The following AIG1 variants were observed in gnomAD, a reference collection of about 807,000 sequenced individuals.
AIG1 encodes the protein androgen induced 1.
A neutral mutation model predicts 31.4 loss-of-function variants in AIG1; 23 were observed. The ratio of observed to expected loss-of-function variants is 0.73; its 90% CI spans 0.53 to 1.04. AIG1 has a LOEUF of 1.04. Among genes scored for constraint, AIG1 ranks in the 50% least tolerant of loss-of-function variants. The pLI is 0.00. For missense variants in AIG1, 274 were observed against 295.0 expected, an observed-to-expected ratio of 0.93 and a Z score of 0.52; for synonymous variants, 100 against 110.5, an observed-to-expected ratio of 0.90 and a Z score of 0.60.
At chr6:143,171,452 TTTAATATATATA>T (rs1291399588) in intron 3 of AIG1, among the ~76,000 whole-genome samples, 650 of 60,012 alleles carry the variant, frequency 0.011, 12 homozygotes, top group African/African-American at 0.059. Flanking sequence ...AATATATATA[TTTAATATATATA>T]TTTAATATAT....
At chr6:143,307,458 G>T (rs1209875647) in intron 4 of AIG1, among the ~76,000 whole-genome samples, 2 of 152,196 alleles carry the variant, frequency 1.3e-5, no homozygotes, top group African/African-American at 4.8e-5. Context: ...GTTTGCTAGA[G>T]GTCCACTCCA....
At chr6:143,079,779 CTTTT>C (rs78637706) in intron 1 of AIG1, among the ~76,000 whole-genome samples, 2,417 of 107,028 alleles carry the variant, frequency 0.023, 40 homozygotes, top group African/African-American at 0.074. Context: ...GGATAGATTC[CTTTT>C]TTTTTTTTTT....
rs56266606 is a variant in AIG1, at chr6:143,317,076, A to G, written c.516-16206A>G. ...TGGATTCACAGCTGAATTCTATCAGACATTCAAAGAAGAATTGGTACCATT... is the reference window on the plus strand; with the variant it reads ...TGGATTCACAGCTGAATTCTATCAGGCATTCAAAGAAGAATTGGTACCATT... On this transcript the variant is annotated intron_variant, in intron 4 of 5. Transcript: ENST00000357847. 4.6e-3 allele frequency among the ~76,000 whole-genome samples: 706 copies of G among 152,272 alleles called. 3 individuals are homozygous for G. Among genetic ancestry groups the G allele is most frequent in the African/African-American group, 0.016 (656 of 41,568 alleles).
At chr6:143,282,518 C>T (rs1411990460) in intron 3 of AIG1, among the ~76,000 whole-genome samples, 2 of 152,106 alleles carry the variant, frequency 1.3e-5, no homozygotes, top group Non-Finnish European at 2.9e-5. Flanking sequence ...TGTACTAGCA[C>T]ACATGTACAT....
chr6:143,321,827 C>T (rs1776242579), intron 4 of AIG1, among the ~76,000 whole-genome samples: 1 of 152,134 alleles, frequency 6.6e-6, no homozygotes, highest in Non-Finnish European at 1.5e-5. Context: ...CACCACCCTT[C>T]CCTTGCTTAG....
rs972750967 is a variant in AIG1 at position 143,297,792 on chromosome 6, C to T, written c.515+13567C>T. ...AAATGCAAATTTTATCCTGTCAATCCTCCTACTTAAAAGTCTTCAATAGTT... is the reference window on the plus strand; with the variant it reads ...AAATGCAAATTTTATCCTGTCAATCTTCCTACTTAAAAGTCTTCAATAGTT... On this transcript the variant is annotated intron_variant, in intron 4 of 5. Transcript: ENST00000357847. This position sits in a 1 kb window ranked among gnomAD's most constrained non-coding sequence, Gnocchi z 5.1. Among the ~76,000 whole-genome samples the T allele has an allele frequency of 6.1e-4, 93 of 152,104 alleles. 1 individual carries two copies. Among genetic ancestry groups the T allele is most frequent in the African/African-American group, 2.2e-3 (91 of 41,410 alleles).
Position 143,326,443 on chromosome 6 carries a change from C to A in AIG1, c.516-6839C>A, listed in dbSNP as rs921408219. Among the ~76,000 whole-genome samples, 4 of 152,260 alleles carry A rather than the reference C, an allele frequency of 2.6e-5. No homozygotes were observed. The South Asian group carries it at 8.3e-4, about 32-fold the overall frequency. On this transcript the variant is annotated intron_variant, in intron 4 of 5. Transcript: ENST00000357847. The surrounding 1 kb of genome is among the most constrained non-coding windows in gnomAD (Gnocchi z 4.5). The stretch of plus-strand genomic sequence containing the variant: ...CAGTTTAAATGCTACTTTATTCATT[C>A]ATTCATTCTTCTAGTGTGTGACAGG...
intron 2 of AIG1, among the ~76,000 whole-genome samples, chr6:143,147,719 G>A (rs748255887): frequency 8.5e-5 from 13 of 152,216 alleles, no homozygotes; most frequent in Non-Finnish European, 1.9e-4. Context: ...CACCACATAC[G>A]GAAGCCTCTG....
chr6:143,069,290 T>TACAG lies in AIG1; in HGVS notation c.141+8225_141+8228dup, dbSNP rs918672060. Among the ~76,000 whole-genome samples, 65 of 152,210 alleles carry TACAG rather than the reference T, an allele frequency of 4.3e-4. 1 individual carries two copies. Among genetic ancestry groups the TACAG allele is most frequent in the African/African-American group, 1.6e-3 (65 of 41,450 alleles). On this transcript the variant is annotated intron_variant, in intron 1 of 5. Coordinates refer to ENST00000357847, the MANE Select transcript of AIG1 (RefSeq NM_016108.4). ...CCTTGGCCTCCCGAAGTATTGGGATTACAGGCATGAGCCACCGCGCGCGGC... is the reference window on the plus strand; with the variant it reads ...CCTTGGCCTCCCGAAGTATTGGGATTACAGACAGGCATGAGCCACCGCGCGCGGC...
intron 4 of AIG1, among the ~76,000 whole-genome samples, chr6:143,321,409 G>A (rs1008081692): frequency 5.3e-5 from 8 of 151,654 alleles, no homozygotes; most frequent in Non-Finnish European, 1.2e-4. Context: ...GACCAGCCTG[G>A]CCAACATGGC....
chr6:143,094,108 A>G (rs1583154442), intron 1 of AIG1: 1 of 152,358 alleles, frequency 6.6e-6, no homozygotes, highest in Non-Finnish European at 1.5e-5. Context: ...GTTAAAAACA[A>G]AACAAAACTA....
chr6:143,261,417 C>G (rs1223697244), intron 3 of AIG1, among the ~76,000 whole-genome samples: 1 of 152,186 alleles, frequency 6.6e-6, no homozygotes, highest in African/African-American at 2.4e-5. Context: ...CAGATGTGAG[C>G]CAATGCGCCT....
At chr6:143,246,906 C>T (rs538250600) in intron 3 of AIG1, among the ~76,000 whole-genome samples, 7 of 152,278 alleles carry the variant, frequency 4.6e-5, no homozygotes, top group Admixed American at 3.9e-4. Flanking sequence ...ACTCACAGAA[C>T]CCACTGGAAG....
chr6:143,220,516 T>A (rs1792398092), intron 3 of AIG1, among the ~76,000 whole-genome samples: 1 of 151,862 alleles, frequency 6.6e-6, no homozygotes, highest in Non-Finnish European at 1.5e-5. Context: ...AGACTCAGAG[T>A]GGTTTAATTG....
intron 1 of AIG1, among the ~76,000 whole-genome samples, chr6:143,081,590 C>G (rs1778260984): frequency 1.3e-5 from 2 of 151,700 alleles, no homozygotes; most frequent in Non-Finnish European, 2.9e-5. Context: ...ATTTCTTTGG[C>G]ACACTTCACA....
intron 3 of AIG1, chr6:143,188,748 A>G (rs1789510578): frequency 5.1e-6 from 5 of 985,300 alleles, no homozygotes; most frequent in Non-Finnish European, 6.0e-6. Context: ...TAAAGATTCT[A>G]ATAATCTCCA....
intron 3 of AIG1, among the ~76,000 whole-genome samples, chr6:143,218,506 C>T (rs549404692): frequency 2.0e-5 from 3 of 152,316 alleles, no homozygotes; most frequent in Admixed American, 2.0e-4. Flanking sequence ...GCCAAATCTC[C>T]AGCCCAACTT....
At chr6:143,126,003 A>G (rs1489014579) in intron 1 of AIG1, among the ~76,000 whole-genome samples, 1 of 152,190 alleles carries the variant, frequency 6.6e-6, no homozygotes, top group Non-Finnish European at 1.5e-5. Flanking sequence ...CACACATTTG[A>G]TGGTGCAGTT....
At chr6:143,181,704 G>T (rs371628222) in intron 3 of AIG1, among the ~76,000 whole-genome samples, 4 of 152,230 alleles carry the variant, frequency 2.6e-5, no homozygotes, top group South Asian at 4.2e-4. Context: ...GAACTACTTT[G>T]TGAGATAGAA....
Sources: allele counts gnomAD v4.1 joint callset (sites outside exome capture counted in the v4.1 genomes callset), GRCh38; gene constraint gnomAD v4.1.1; non-coding constraint Gnocchi (gnomAD v3.1); transcripts MANE v1.5; gene names NCBI Gene and HGNC (gene_info 2026-07-23, HGNC 2026-07-21).